Variants in FRY observed in about 807,000 individuals in gnomAD.
FRY encodes protein furry homolog.
In FRY, 128 loss-of-function variants were observed where a neutral mutation model predicts 348.4. The observed-to-expected ratio is 0.37, with a 90% CI of 0.32 to 0.43. The LOEUF is 0.43. Ranked by LOEUF, FRY falls within the 20% of genes least tolerant of loss-of-function variation. The pLI, the probability that FRY is intolerant of heterozygous loss-of-function variation, is 1.00. For synonymous variants in FRY, 1,370 were observed against 1,374.7 expected (o/e 1.00, Z 0.08); for missense variants, 2,736 against 3,695.2 (o/e 0.74, Z 6.73).
At chr13:32,140,285 A>T (rs1363783857) in intron 11 of FRY, among the ~76,000 whole-genome samples, 1 of 152,206 alleles carries the variant, frequency 6.6e-6, no homozygotes, top group Non-Finnish European at 1.5e-5. Context: ...AATGTTGTTT[A>T]TGCATTTCCA....
intron 17 of FRY, among the ~76,000 whole-genome samples, chr13:32,161,573 G>T (rs1333637239): frequency 9.9e-5 from 15 of 152,156 alleles, no homozygotes; most frequent in Non-Finnish European, 1.5e-5. Flanking sequence ...TAACTCCTGA[G>T]AGAAGGTGGA....
At chr13:32,074,791 C>A (rs1182445019) in intron 1 of FRY, among the ~76,000 whole-genome samples, 2 of 152,222 alleles carry the variant, frequency 1.3e-5, no homozygotes, top group Non-Finnish European at 2.9e-5. Context: ...GATAAAGATT[C>A]TGTCAGGATC....
At chr13:32,043,440 T>C (rs1402093789) in intron 1 of FRY, among the ~76,000 whole-genome samples, 1 of 152,220 alleles carries the variant, frequency 6.6e-6, no homozygotes, top group Non-Finnish European at 1.5e-5. Flanking sequence ...AAGAGCCGCA[T>C]GAAGTGCTGT....
chr13:32,077,867 A>G (rs1875190049), intron 1 of FRY, among the ~76,000 whole-genome samples: 1 of 152,190 alleles, frequency 6.6e-6, no homozygotes, highest in African/African-American at 2.4e-5. Context: ...CCAAAGCTAA[A>G]TACTTATGTT....
chr13:32,066,721 AT>A, intron 1 of FRY, among the ~76,000 whole-genome samples: 1 of 152,050 alleles, frequency 6.6e-6, no homozygotes. Context: ...TTTTCTCCCA[AT>A]TTACACAGCA....
chr13:32,212,027 A>G (rs1266941092), intron 34 of FRY, among the ~76,000 whole-genome samples: 1 of 152,240 alleles, frequency 6.6e-6, no homozygotes, highest in African/African-American at 2.4e-5. Context: ...CTAAGTGGCC[A>G]GGAAGAAGAG....
At position 32,178,299 on chromosome 13, in the gene FRY, C is replaced by A. The variant is rs779441921; in HGVS notation, c.2544C>A (p.Val848=). 19 of 1,614,110 alleles carry A rather than the reference C, an allele frequency of 1.2e-5. No homozygotes were observed. The highest frequency in any genetic ancestry group is 1.5e-5 in the Non-Finnish European group (18 of 1,180,038). ...ATGTCTGGATATTTGCACAGTCTGT[C>A]AAAGACCCCTGGGTCCTCTGCCTCT... ...PSHVWIFAQS[V]KDPWVLCLFS... Residue 848 remains valine (V), a synonymous_variant, in exon 21 of 61, where the codon GTC becomes GTA. Transcript: ENST00000542859.
rs1407666950 is a variant in FRY, at chr13:32,224,938, A to T, written c.4922A>T (p.Asn1641Ile). The T allele has an allele frequency of 6.3e-6, 10 of 1,584,442 alleles. No individual in the cohort carries two copies. Among genetic ancestry groups the T allele is most frequent in the Non-Finnish European group, 8.7e-6 (10 of 1,152,972 alleles). Residue 1641 changes from asparagine to isoleucine, a missense_variant, in exon 38 of 61, where the codon AAT becomes ATT. By Grantham distance (149) the Asn-to-Ile change is moderately radical. This residue lies in a region of FRY where 794 missense variants were observed against 977.0 expected (regional missense o/e 0.81). Transcript: ENST00000542859. ...TTCATTATTTCATTGATTAGGTGCA[A>T]TATTGCTGTAATTTTTATGACTGAA... ...ITPRGPLHRC[N>I]IAVIFMTEMV...
chr13:32,217,812 A>G (rs1158697429), intron 35 of FRY, among the ~76,000 whole-genome samples: 2 of 152,214 alleles, frequency 1.3e-5, no homozygotes, highest in African/African-American at 4.8e-5. Flanking sequence ...TGAATTAACT[A>G]TACTTCAACA....
intron 47 of FRY, among the ~76,000 whole-genome samples, chr13:32,245,517 G>C (rs933782968): frequency 6.6e-6 from 1 of 152,186 alleles, no homozygotes; most frequent in East Asian, 1.9e-4. Flanking sequence ...AGGAGGCTGG[G>C]GAGAGAGTTT....
At chr13:32,119,340 A>G (rs1467189426) in intron 4 of FRY, among the ~76,000 whole-genome samples, 1 of 152,214 alleles carries the variant, frequency 6.6e-6, no homozygotes, top group Non-Finnish European at 1.5e-5. Flanking sequence ...TGAGATTAGT[A>G]CAGTATCAGC....
intron 41 of FRY, 38 bp from the exon 42 acceptor site, chr13:32,234,536 G>T: frequency 6.3e-7 from 1 of 1,583,420 alleles, no homozygotes; most frequent in Non-Finnish European, 8.7e-7. Flanking sequence ...AGCATGTAGA[G>T]TAGAGACTGA....
chr13:32,133,226 T>C (rs1278578583), intron 8 of FRY, among the ~76,000 whole-genome samples: 2 of 152,156 alleles, frequency 1.3e-5, no homozygotes, highest in Non-Finnish European at 2.9e-5. Context: ...CTATTATATA[T>C]TGGGGGGACT....
Position 32,078,846 on chromosome 13 carries a change from G to A in FRY, c.83G>A (p.Gly28Asp). 6.2e-7 allele frequency: 1 copy of A among 1,613,836 alleles called. No individual in the cohort carries two copies. Among genetic ancestry groups the A allele is most frequent in the East Asian group, 2.2e-5 (1 of 44,880 alleles). Reference protein sequence around the residue: ...LKSWSNTSPVGNGYIKPPVPP... With the variant: ...LKSWSNTSPVDNGYIKPPVPP... ...TTCTGTTTTTCAGCTTCTCCCGTTG[G>A]CAACGGTTACATCAAGCCTCCGGTT... The change falls in exon 2 of 61, where the codon GGC becomes GAC. Residue 28 changes from glycine to aspartate, a missense_variant. Physicochemically the swap from Gly to Asp is moderately conservative, Grantham distance 94. This residue lies in a region of FRY where 309 missense variants were observed against 418.1 expected (regional missense o/e 0.74). Transcript: ENST00000542859.
chr13:32,070,527 C>A (rs1271994677), intron 1 of FRY, among the ~76,000 whole-genome samples: 2 of 149,070 alleles, frequency 1.3e-5, no homozygotes, highest in South Asian at 4.2e-4. Context: ...TGAGACGTGT[C>A]TGTTCATATC....
At chr13:32,226,591 C>T (rs1408575335) in intron 39 of FRY, among the ~76,000 whole-genome samples, 1 of 152,176 alleles carries the variant, frequency 6.6e-6, no homozygotes, top group Non-Finnish European at 1.5e-5. Flanking sequence ...AGAACCAGAA[C>T]GTTTAAAATA....
intron 57 of FRY, 54 bp downstream of exon 57, chr13:32,276,616 AC>A (rs1888548772): frequency 1.1e-6 from 1 of 902,650 alleles, no homozygotes; most frequent in African/African-American, 1.6e-5. Flanking sequence ...AATGAACCCA[AC>A]CACTCTGAGT....
chr13:32,245,194 G>A (rs1228579450), intron 47 of FRY, among the ~76,000 whole-genome samples: 1 of 151,856 alleles, frequency 6.6e-6, no homozygotes, highest in Non-Finnish European at 1.5e-5. Flanking sequence ...GTGATCCACC[G>A]CCTCGGCCTC....
intron 46 of FRY, among the ~76,000 whole-genome samples, chr13:32,243,432 A>G (rs1395941162): frequency 6.6e-6 from 1 of 152,226 alleles, no homozygotes; most frequent in Non-Finnish European, 1.5e-5. Flanking sequence ...GGTTTGAGAA[A>G]CATTCCTAAA....
Sources: gnomAD v4.1 joint callset for allele counts (sites outside exome capture counted in the v4.1 genomes callset) on GRCh38, gnomAD v4.1.1 for gene constraint, gnomAD v4.1.1 regional missense constraint, MANE v1.5 for transcripts, NCBI Gene and HGNC (gene_info 2026-07-23, HGNC 2026-07-21) for gene names.